The following SNAP29 variants were observed in gnomAD, a reference collection of about 807,000 sequenced individuals.
The protein encoded by SNAP29 is synaptosomal-associated protein 29.
In SNAP29, 13 loss-of-function variants were observed where a neutral mutation model predicts 27.9. That is an observed-to-expected ratio of 0.47 (90% confidence interval 0.30 to 0.74). The LOEUF (loss-of-function observed/expected upper bound fraction) is 0.74. Among genes scored for constraint, SNAP29 ranks in the 30% least tolerant of loss-of-function variants. The pLI, the probability that SNAP29 is intolerant of heterozygous loss-of-function variation, is 0.06. For missense variants in SNAP29, 368 were observed against 336.5 expected, an observed-to-expected ratio of 1.09 and a Z score of -0.73; for synonymous variants, 119 against 127.1, an observed-to-expected ratio of 0.94 and a Z score of 0.43.
intron 1 of SNAP29, among the ~76,000 whole-genome samples, chr22:20,869,083 AC>A (rs1286759072): frequency 6.6e-6 from 1 of 152,168 alleles, no homozygotes; most frequent in Non-Finnish European, 1.5e-5. Context: ...ACATGGTGAA[AC>A]CCCGTCTCTA....
chr22:20,881,144 T>TC lies in SNAP29; in HGVS notation c.520+10_520+11insC. The TC allele has an allele frequency of 6.3e-7, 1 of 1,576,184 alleles. No homozygotes were observed. The highest frequency in any genetic ancestry group is 8.7e-7 in the Non-Finnish European group (1 of 1,145,572). ...AAGCTGGATGATACAGGTAAGTGGA[T>TC]ACCTGTGTGCACAGCCACATTTGAA... On this transcript the variant is annotated intron_variant, in intron 3 of 4. Transcript: ENST00000215730.
chr22:20,876,947 G>A (rs1028445323), intron 2 of SNAP29, among the ~76,000 whole-genome samples: 1 of 152,150 alleles, frequency 6.6e-6, no homozygotes, highest in Non-Finnish European at 1.5e-5. Flanking sequence ...GGGAAGCCCT[G>A]TTTGTCCTTG....
intron 3 of SNAP29, 67 bp downstream of exon 3, chr22:20,881,201 G>GT: frequency 8.8e-7 from 1 of 1,133,320 alleles, no homozygotes. Flanking sequence ...TTTGGCGTTG[G>GT]TCCTTGGGGG....
At position 20,888,903 on chromosome 22, in the gene SNAP29, C is replaced by G. The variant is rs1458800655; in HGVS notation, c.*1067C>G. 2.0e-5 allele frequency: 3 copies of G among 152,216 alleles called. No individual in the cohort carries two copies. Among genetic ancestry groups the G allele is most frequent in the Non-Finnish European group, 2.9e-5 (2 of 68,042 alleles). The allele number at this position is 152,216 out of a possible 1,614,324, so 9.4% of individuals were successfully genotyped here. On this transcript the variant is annotated 3_prime_UTR_variant, in exon 5 of 5. Transcript: ENST00000215730. ...ACTGGCACTCTATAAATGACGCTGACTTTGTATAGAAGGATTTTGCTAAGG... is the reference window on the plus strand; with the variant it reads ...ACTGGCACTCTATAAATGACGCTGAGTTTGTATAGAAGGATTTTGCTAAGG...
chr22:20,879,510 G>A (rs1453196749), intron 2 of SNAP29, among the ~76,000 whole-genome samples: 1 of 151,980 alleles, frequency 6.6e-6, no homozygotes, highest in Non-Finnish European at 1.5e-5. Context: ...CTGCACTCCA[G>A]CCTGGGCAAC....
At chr22:20,859,398 A>G (rs1928166774) in intron 1 of SNAP29, 51 bp downstream of exon 1, 1 of 1,273,840 alleles carries the variant, frequency 7.9e-7, no homozygotes, top group Non-Finnish European at 1.2e-6. Context: ...GTGCTGTCAA[A>G]CGGAGACGAG....
intron 1 of SNAP29, among the ~76,000 whole-genome samples, chr22:20,864,328 C>T (rs772334453): frequency 2.6e-5 from 4 of 152,174 alleles, no homozygotes; most frequent in African/African-American, 9.6e-5. Flanking sequence ...CACACCGTCT[C>T]GTGCAGGGGC....
At chr22:20,886,990 A>T (rs1352508460) in intron 4 of SNAP29, among the ~76,000 whole-genome samples, 1 of 151,984 alleles carries the variant, frequency 6.6e-6, no homozygotes, top group East Asian at 2.0e-4. Context: ...TTGGGAGGCC[A>T]AGACGGGCGG....
rs766339332 is a variant in SNAP29, at chr22:20,883,530, C to T, written c.580C>T (p.His194Tyr). ...MSTDAYPKNPHLRAYHQKIDS... is the reference protein window; with the variant it reads ...MSTDAYPKNPYLRAYHQKIDS... ...TACTGATGCTTACCCAAAGAACCCA[C>T]ACCTTCGAGCCTATCACCAGAAGAT... Residue 194 changes from histidine to tyrosine, a missense_variant, in exon 4 of 5, where the codon CAC (histidine) becomes TAC (tyrosine). His to Tyr is a moderately conservative substitution (Grantham distance 83). Coordinates refer to ENST00000215730, the MANE Select transcript of SNAP29 (RefSeq NM_004782.4). The T allele has an allele frequency of 1.5e-5, 25 of 1,613,658 alleles. No homozygotes were observed. The South Asian group carries it at 2.3e-4, about 15-fold the overall frequency.
Position 20,887,961 on chromosome 22 carries a change from G to T in SNAP29, c.*125G>T, listed in dbSNP as rs1165109785. 1 of 970,456 alleles carries T rather than the reference G, an allele frequency of 1.0e-6. No individual in the cohort carries two copies. Among genetic ancestry groups the T allele is most frequent in the Non-Finnish European group, 1.6e-6 (1 of 631,040 alleles). The allele number at this position is 970,456 out of a possible 1,614,324, so 60.1% of individuals were successfully genotyped here. On this transcript the variant is annotated 3_prime_UTR_variant, in exon 5 of 5. Transcript: ENST00000215730. ...GTGTGTTTGCAAATGTTATAATAGAGTAGGTCTTAAGACATTTTTGCTGTT... is the reference window on the plus strand; with the variant it reads ...GTGTGTTTGCAAATGTTATAATAGATTAGGTCTTAAGACATTTTTGCTGTT...
intron 4 of SNAP29, 21 bp from the exon 5 acceptor site, chr22:20,887,658 T>C (rs1162152840): frequency 6.2e-7 from 1 of 1,614,174 alleles, no homozygotes; most frequent in Non-Finnish European, 8.5e-7. Flanking sequence ...CATGCCTGCG[T>C]GTCATTTCCT....
rs1489237421 is a variant in SNAP29 at position 20,860,899 on chromosome 22, TGGTGGCACACA to T, written c.237+1553_237+1563del. ...CAAAATTTGAAAAATTAGCCAGGCA[TGGTGGCACACA>T]CATGTGAGTGCAGCTACTGAGGAGG... On this transcript the variant is annotated intron_variant, in intron 1 of 4. Transcript: ENST00000215730. Among the ~76,000 whole-genome samples, 1,226 of 152,194 alleles carry T rather than the reference TGGTGGCACACA, an allele frequency of 8.1e-3. 17 individuals carry two copies. Among genetic ancestry groups the T allele is most frequent in the African/African-American group, 0.028 (1,170 of 41,518 alleles).
chr22:20,874,570 A>G (rs1368590878), intron 2 of SNAP29, among the ~76,000 whole-genome samples: 1 of 142,050 alleles, frequency 7.0e-6, no homozygotes, highest in African/African-American at 2.8e-5. Flanking sequence ...GTGAGACCCT[A>G]TCTCAAAAAA....
At chr22:20,887,551 C>T in intron 4 of SNAP29, 128 bp from the exon 5 acceptor site, 2 of 944,170 alleles carry the variant, frequency 2.1e-6, no homozygotes, top group Non-Finnish European at 1.7e-6. Context: ...AGACTCATCT[C>T]TGCAGTGGGT....
intron 3 of SNAP29, among the ~76,000 whole-genome samples, chr22:20,882,326 C>T (rs963213175): frequency 2.6e-5 from 4 of 151,682 alleles, no homozygotes; most frequent in Non-Finnish European, 5.9e-5. Flanking sequence ...CAGTGTTGAT[C>T]GAATCATTCC....
At chr22:20,886,063 G>A (rs370529823) in intron 4 of SNAP29, among the ~76,000 whole-genome samples, 138 of 152,038 alleles carry the variant, frequency 9.1e-4, no homozygotes, top group African/African-American at 3.0e-3. Flanking sequence ...CATGGAGCAC[G>A]AGGCCATGAA....
intron 1 of SNAP29, among the ~76,000 whole-genome samples, chr22:20,863,762 C>T (rs973558917): frequency 6.6e-6 from 1 of 152,130 alleles, no homozygotes; most frequent in Non-Finnish European, 1.5e-5. Context: ...TCTTCTCCCA[C>T]TTCCCTCCCT....
intron 2 of SNAP29, chr22:20,870,746 T>G: frequency 6.4e-6 from 4 of 625,394 alleles, no homozygotes; most frequent in Non-Finnish European, 1.2e-5. Context: ...TGTCAATAGC[T>G]TCTCCAATAA....
At chr22:20,883,604 A>T (rs1323539744) in intron 4 of SNAP29, 35 bp downstream of exon 4, 1 of 1,389,700 alleles carries the variant, frequency 7.2e-7, no homozygotes, top group East Asian at 2.3e-5. Context: ...TCTGTAAGCC[A>T]CTGTCCTTCA....
Sources: allele counts gnomAD v4.1 joint callset (sites outside exome capture counted in the v4.1 genomes callset), GRCh38; gene constraint gnomAD v4.1.1; transcripts MANE v1.5; gene names NCBI Gene and HGNC (gene_info 2026-07-23, HGNC 2026-07-21).